Variants in NVL observed in about 807,000 individuals in gnomAD.
The protein encoded by NVL is nuclear valosin-containing protein-like.
A neutral mutation model predicts 110.2 loss-of-function variants in NVL; 84 were observed. That is an observed-to-expected ratio of 0.76 (90% CI 0.64 to 0.91). The LOEUF is 0.91. NVL is among the 40% of genes least tolerant of loss of function. The pLI is 0.00. For synonymous variants in NVL, 354 were observed against 361.1 expected (o/e 0.98, Z 0.22); for missense variants, 882 against 1,035.9 (o/e 0.85, Z 2.04).
intron 18 of NVL, among the ~76,000 whole-genome samples, chr1:224,263,414 T>C (rs1438927313): frequency 6.6e-6 from 1 of 152,226 alleles, no homozygotes; most frequent in East Asian, 1.9e-4. Flanking sequence ...TTTTAAATAA[T>C]ATGGACTTGT....
intron 19 of NVL, among the ~76,000 whole-genome samples, chr1:224,247,258 T>A (rs980689460): frequency 2.6e-5 from 4 of 151,958 alleles, no homozygotes; most frequent in Admixed American, 1.3e-4. Flanking sequence ...CAGGCTGGAG[T>A]GCAGTGACGT....
intron 16 of NVL, among the ~76,000 whole-genome samples, chr1:224,280,509 G>A (rs1430708832): frequency 6.6e-6 from 1 of 151,708 alleles, no homozygotes; most frequent in Non-Finnish European, 1.5e-5. Context: ...TACGAGGTAT[G>A]TAAAAAGCCC....
intron 4 of NVL, among the ~76,000 whole-genome samples, chr1:224,313,973 A>G (rs532943973): frequency 6.6e-6 from 1 of 152,340 alleles, no homozygotes; most frequent in African/African-American, 2.4e-5. Flanking sequence ...ACTGGACTCC[A>G]GCCTGGGTGA....
chr1:224,287,571 T>C (rs778960581), intron 14 of NVL, among the ~76,000 whole-genome samples: 2 of 152,150 alleles, frequency 1.3e-5, no homozygotes, highest in Non-Finnish European at 2.9e-5. Flanking sequence ...GATACATCAA[T>C]TTAAAAAAAT....
chr1:224,276,533 C>T (rs1026501468), intron 16 of NVL, among the ~76,000 whole-genome samples: 3 of 152,196 alleles, frequency 2.0e-5, no homozygotes, highest in Non-Finnish European at 2.9e-5. Flanking sequence ...CCACTGCCCC[C>T]GGCCTACAGT....
chr1:224,289,821 G>T, intron 12 of NVL, 88 bp from the exon 13 acceptor site: 2 of 1,292,176 alleles, frequency 1.5e-6, no homozygotes, highest in Non-Finnish European at 2.1e-6. Context: ...AGTCCTTCAC[G>T]TCTGCCAAAG....
At chr1:224,246,279 C>T (rs1661811479) in intron 19 of NVL, among the ~76,000 whole-genome samples, 1 of 152,196 alleles carries the variant, frequency 6.6e-6, no homozygotes, top group South Asian at 2.1e-4. Context: ...ATCCACCTGC[C>T]TCGGCCTCCC....
At chr1:224,258,835 CA>C (rs1663594724) in intron 18 of NVL, among the ~76,000 whole-genome samples, 1 of 151,780 alleles carries the variant, frequency 6.6e-6, no homozygotes, top group African/African-American at 2.4e-5. Context: ...CCAGAATAGA[CA>C]AATTTATATA....
At chr1:224,317,661 G>T in intron 4 of NVL, 33 bp downstream of exon 4, 1 of 1,262,304 alleles carries the variant, frequency 7.9e-7, no homozygotes, top group Non-Finnish European at 1.2e-6. Flanking sequence ...TAAAGTTCAT[G>T]GTTTAAAAAA....
chr1:224,232,761 T>C (rs1303721726), intron 21 of NVL: 1 of 153,358 alleles, frequency 6.5e-6, no homozygotes, highest in Non-Finnish European at 1.5e-5. Flanking sequence ...AAGCATCACA[T>C]AACACAATAC....
At chr1:224,293,189 C>A (rs1184243933) in intron 12 of NVL, among the ~76,000 whole-genome samples, 1 of 151,870 alleles carries the variant, frequency 6.6e-6, no homozygotes, top group Non-Finnish European at 1.5e-5. Context: ...CCTGCCTCAG[C>A]CTCTCAAGTA....
chr1:224,238,687 G>A (rs944650296), intron 19 of NVL, among the ~76,000 whole-genome samples: 10 of 152,132 alleles, frequency 6.6e-5, no homozygotes, highest in African/African-American at 1.9e-4. Context: ...TCAGAATGTA[G>A]GATTGCTAAG....
chr1:224,315,528 G>C (rs555247363), intron 4 of NVL, among the ~76,000 whole-genome samples: 37 of 152,212 alleles, frequency 2.4e-4, no homozygotes, highest in African/African-American at 7.0e-4. Flanking sequence ...AAAACCTAAA[G>C]CTAATGTCAT....
chr1:224,317,836 G>C (rs1290168579), intron 3 of NVL, 42 bp downstream of exon 3: 1 of 1,547,756 alleles, frequency 6.5e-7, no homozygotes, highest in Non-Finnish European at 8.9e-7. Flanking sequence ...ACAATCGTTT[G>C]TATAACTTTA....
Position 224,330,104 on chromosome 1 carries a change from G to A in NVL, c.24C>T (p.Phe8=), listed in dbSNP as rs776132085. MKPRPAG[F]VDNKLKQRVI... ...CTCGCTGCTTGAGTTTATTATCCAC[G>A]AACCCTGCAGGTCTGGGCTTCATCG... is the stretch of plus-strand genomic sequence containing the variant. Residue 8 remains phenylalanine (F), a synonymous_variant, in exon 1 of 23, where the codon TTC becomes TTT. Coordinates refer to ENST00000281701, the MANE Select transcript of NVL (RefSeq NM_002533.4). 7.4e-6 allele frequency: 12 copies of A among 1,614,072 alleles called. No individual in the cohort carries two copies. In the South Asian group the frequency reaches 1.2e-4, roughly 16 times the overall value.
intron 1 of NVL, among the ~76,000 whole-genome samples, chr1:224,329,164 T>C (rs1671436779): frequency 6.6e-6 from 1 of 152,046 alleles, no homozygotes; most frequent in Non-Finnish European, 1.5e-5. Flanking sequence ...TGAGTTATGA[T>C]TGTGCCCATA....
chr1:224,304,888 G>C, intron 7 of NVL, 76 bp from the exon 8 acceptor site: 1 of 1,484,542 alleles, frequency 6.7e-7, no homozygotes, highest in South Asian at 1.2e-5. Context: ...TAGTCTTTAA[G>C]TAAACAAAGG....
intron 17 of NVL, among the ~76,000 whole-genome samples, chr1:224,270,616 A>G (rs977862152): frequency 6.6e-6 from 1 of 152,162 alleles, no homozygotes; most frequent in African/African-American, 2.4e-5. Context: ...AAAATTAAAT[A>G]TAAGTCATAA....
intron 11 of NVL, among the ~76,000 whole-genome samples, chr1:224,295,922 G>A (rs1456718579): frequency 1.4e-5 from 2 of 140,504 alleles, no homozygotes; most frequent in African/African-American, 5.4e-5. Flanking sequence ...TTGAGATCAT[G>A]CCAGTGCACT....
Sources: allele counts gnomAD v4.1 joint callset (sites outside exome capture counted in the v4.1 genomes callset), GRCh38; gene constraint gnomAD v4.1.1; transcripts MANE v1.5; gene names NCBI Gene and HGNC (gene_info 2026-07-23, HGNC 2026-07-21).